Variants in KCNQ1 observed in about 807,000 individuals in gnomAD.
The protein encoded by KCNQ1 is potassium voltage-gated channel subfamily KQT member 1.
KCNQ1 carries 49 observed loss-of-function variants against 72.4 expected under a neutral mutation model. The ratio of observed to expected loss-of-function variants is 0.68; its 90% CI spans 0.54 to 0.86. The LOEUF is 0.86. Ranked by LOEUF, KCNQ1 falls within the 40% of genes least tolerant of loss-of-function variation. The probability of loss-of-function intolerance (pLI) is 0.00; values close to 1 mark genes in which losing one functional copy is unlikely to be tolerated. For synonymous variants in KCNQ1, 450 were observed against 412.6 expected (o/e 1.09, Z -1.10); for missense variants, 790 against 945.1 (o/e 0.84, Z 2.15).
chr11:2,654,844 G>T lies in KCNQ1; in HGVS notation c.1394-7117G>T. On this transcript the variant is annotated intron_variant, in intron 10 of 15. Transcript: ENST00000155840. This position sits in a 1 kb window ranked among gnomAD's most constrained non-coding sequence, Gnocchi z 6.4. ...TAGGAGAGCTCTATGTAGCCTCATGGGCAGCTCCAGGCCAGGTGGAGGGAC... is the reference window on the plus strand; with the variant it reads ...TAGGAGAGCTCTATGTAGCCTCATGTGCAGCTCCAGGCCAGGTGGAGGGAC... The T allele has an allele frequency of 2.5e-6, 1 of 398,578 alleles. No homozygotes were observed. Among genetic ancestry groups the T allele is most frequent in the South Asian group, 1.3e-4 (1 of 7,834 alleles). The allele number at this position is 398,578 out of a possible 1,614,324, so 24.7% of individuals were successfully genotyped here.
Position 2,497,757 on chromosome 11 carries a change from T to C in KCNQ1, c.387-30171T>C, listed in dbSNP as rs559098217. On this transcript the variant is annotated intron_variant, in intron 1 of 15. Coordinates refer to ENST00000155840, the MANE Select transcript of KCNQ1 (RefSeq NM_000218.3). This position sits in a 1 kb window ranked among gnomAD's most constrained non-coding sequence, Gnocchi z 4.5. Reference sequence around the variant, plus strand: ...GGAGGAGAAGAGGCATTCTGGTTTTTAGAATGTTCAGCATTTTTGTGCTGG... The same window carrying C: ...GGAGGAGAAGAGGCATTCTGGTTTTCAGAATGTTCAGCATTTTTGTGCTGG... Among the ~76,000 whole-genome samples the C allele has an allele frequency of 6.6e-6, 1 of 151,610 alleles. No homozygotes were observed. Among genetic ancestry groups the C allele is most frequent in the Non-Finnish European group, 1.5e-5 (1 of 68,030 alleles).
intron 2 of KCNQ1, among the ~76,000 whole-genome samples, chr11:2,530,232 C>G (rs529925599): frequency 5.3e-5 from 8 of 152,354 alleles, no homozygotes; most frequent in African/African-American, 1.9e-4. Context: ...AAGTCCTCCT[C>G]ACCCACCACA....
intron 11 of KCNQ1, chr11:2,685,716 G>T: frequency 2.5e-6 from 1 of 398,698 alleles, no homozygotes; most frequent in Non-Finnish European, 4.4e-6. Flanking sequence ...CCCCAGGGAG[G>T]GTGCTCTGAC....
At chr11:2,846,663 C>T (rs948402648) in intron 15 of KCNQ1, among the ~76,000 whole-genome samples, 1 of 152,266 alleles carries the variant, frequency 6.6e-6, no homozygotes, top group African/African-American at 2.4e-5. Context: ...GGGTGCCGGC[C>T]TGCCGGCCAG....
chr11:2,820,985 T>C (rs1454662297), intron 15 of KCNQ1, among the ~76,000 whole-genome samples: 1 of 152,230 alleles, frequency 6.6e-6, no homozygotes, highest in Non-Finnish European at 1.5e-5. Context: ...CTGGGGCTGT[T>C]TCTAGGCCCA....
intron 11 of KCNQ1, among the ~76,000 whole-genome samples, chr11:2,700,433 G>A (rs1850786055): frequency 6.6e-6 from 1 of 152,134 alleles, no homozygotes; most frequent in Admixed American, 6.5e-5. Context: ...GTGGGCCCTC[G>A]GTGTGGAGGC....
intron 2 of KCNQ1, among the ~76,000 whole-genome samples, chr11:2,531,162 A>AC (rs1243339093): frequency 6.6e-6 from 1 of 151,978 alleles, no homozygotes. Flanking sequence ...ACCTGCAGGG[A>AC]CCTTCAGACG....
Position 2,491,710 on chromosome 11 carries a change from C to G in KCNQ1, c.387-36218C>G, listed in dbSNP as rs1846838482. Among the ~76,000 whole-genome samples the G allele has an allele frequency of 6.6e-6, 1 of 151,928 alleles. No homozygotes were observed. The highest frequency in any genetic ancestry group is 1.5e-5 in the Non-Finnish European group (1 of 67,986). On this transcript the variant is annotated intron_variant, in intron 1 of 15. Transcript: ENST00000155840. This position sits in a 1 kb window ranked among gnomAD's most constrained non-coding sequence, Gnocchi z 4.1. Reference sequence around the variant, plus strand: ...AAACCTAGAGAAAGATACCAATATTCAAATACAAGAAGATTCTAGAATACC... The same window carrying G: ...AAACCTAGAGAAAGATACCAATATTGAAATACAAGAAGATTCTAGAATACC...
intron 1 of KCNQ1, among the ~76,000 whole-genome samples, chr11:2,514,990 C>T (rs922850064): frequency 2.0e-5 from 3 of 152,298 alleles, no homozygotes; most frequent in Middle Eastern, 6.8e-3. Flanking sequence ...AGTGGAGGTG[C>T]TCTGGGAGCT....
At chr11:2,500,935 A>C (rs1037890917) in intron 1 of KCNQ1, among the ~76,000 whole-genome samples, 1 of 152,124 alleles carries the variant, frequency 6.6e-6, no homozygotes, top group Non-Finnish European at 1.5e-5. Context: ...TGACGGGTTG[A>C]TGGGTGCAGC....
At chr11:2,807,448 C>A (rs1049659374) in intron 15 of KCNQ1, among the ~76,000 whole-genome samples, 12 of 152,150 alleles carry the variant, frequency 7.9e-5, no homozygotes, top group Admixed American at 2.6e-4. Flanking sequence ...GGCCTCCTCG[C>A]CCCCCCACTC....
intron 15 of KCNQ1, among the ~76,000 whole-genome samples, chr11:2,801,398 T>A (rs1240724528): frequency 6.6e-6 from 1 of 152,190 alleles, no homozygotes; most frequent in East Asian, 1.9e-4. Flanking sequence ...ACCAGGGGAC[T>A]TAGGTGAGAG....
intron 1 of KCNQ1, among the ~76,000 whole-genome samples, chr11:2,520,680 G>C (rs1289967569): frequency 6.6e-6 from 1 of 152,196 alleles, no homozygotes; most frequent in Non-Finnish European, 1.5e-5. Context: ...AGGGATGGAG[G>C]GAGACCTGCT....
chr11:2,733,916 C>T (rs1333810167), intron 11 of KCNQ1, among the ~76,000 whole-genome samples: 6 of 151,218 alleles, frequency 4.0e-5, no homozygotes, highest in African/African-American at 1.5e-4. Flanking sequence ...GCGCACCACC[C>T]CCGAAACATG....
rs1490132722 is a variant in KCNQ1, at chr11:2,445,505, C to G, written c.386+21C>G. ...GCCGTGTGAGTATCGCCACCGGCGA[C>G]GGCCGGCACGAAGGTGCTTCCTGAG... On this transcript the variant is annotated intron_variant, in intron 1 of 15. Transcript: ENST00000155840. The G allele has an allele frequency of 2.5e-6, 4 of 1,588,108 alleles. No individual in the cohort carries two copies. In the East Asian group the frequency reaches 9.0e-5, roughly 36 times the overall value.
At chr11:2,844,832 TTTAA>T (rs1192854743) in intron 15 of KCNQ1, among the ~76,000 whole-genome samples, 10 of 152,350 alleles carry the variant, frequency 6.6e-5, no homozygotes, top group African/African-American at 2.2e-4. Flanking sequence ...TATTTGGTGC[TTTAA>T]TTAATGCCAA....
intron 10 of KCNQ1, chr11:2,646,836 A>AT (rs1485519387): frequency 4.0e-5 from 16 of 398,558 alleles, no homozygotes; most frequent in Non-Finnish European, 5.3e-5. Flanking sequence ...TTGTTTGTTG[A>AT]TTTTTTTATC....
At chr11:2,535,741 G>A (rs955307414) in intron 2 of KCNQ1, among the ~76,000 whole-genome samples, 19 of 152,200 alleles carry the variant, frequency 1.2e-4, no homozygotes, top group African/African-American at 7.2e-5. Flanking sequence ...CTGAAGACCT[G>A]GGACCAGGCC....
chr11:2,649,569 A>G (rs1849726188), intron 10 of KCNQ1: 2 of 398,536 alleles, frequency 5.0e-6, no homozygotes, highest in South Asian at 1.3e-4. Flanking sequence ...TGGGTATAGT[A>G]TTTGTGGCTA....
Sources: allele counts gnomAD v4.1 joint callset (sites outside exome capture counted in the v4.1 genomes callset), GRCh38; gene constraint gnomAD v4.1.1; non-coding constraint Gnocchi (gnomAD v3.1); transcripts MANE v1.5; gene names NCBI Gene and HGNC (gene_info 2026-07-23, HGNC 2026-07-21).